Variants in RLBP1 observed in about 807,000 individuals in gnomAD.
The protein encoded by RLBP1 is retinaldehyde binding protein 1.
A neutral mutation model predicts 36.2 loss-of-function variants in RLBP1; 26 were observed. The ratio of observed to expected loss-of-function variants is 0.72; its 90% confidence interval spans 0.53 to 1.00. The LOEUF (loss-of-function observed/expected upper bound fraction) is 1.00. Among genes scored for constraint, RLBP1 ranks in the 50% least tolerant of loss-of-function variants. RLBP1 has a pLI of 0.00. For missense variants in RLBP1, 410 were observed against 402.4 expected (o/e 1.02, Z -0.16); for synonymous variants, 155 against 156.2 (o/e 0.99, Z 0.06).
At position 89,218,067 on chromosome 15, in the gene RLBP1, C is replaced by T. The variant is rs746031106; in HGVS notation, c.141+498G>A. 6.6e-6 allele frequency among the ~76,000 whole-genome samples: 1 copy of T among 152,214 alleles called. No individual in the cohort carries two copies. The highest frequency in any genetic ancestry group is 1.5e-5 in the Non-Finnish European group (1 of 68,040). Reference sequence around the variant, plus strand: ...AGCCACTTCTCATCCTCCCCAGCAGCCCTAAGACAGCTCTGTCAGCCTCCA... The same window carrying T: ...AGCCACTTCTCATCCTCCCCAGCAGTCCTAAGACAGCTCTGTCAGCCTCCA... On this transcript the variant is annotated intron_variant, in intron 4 of 8. Transcript: ENST00000268125. This position sits in a 1 kb window ranked among gnomAD's most constrained non-coding sequence, Gnocchi z 4.6.
intron 2 of RLBP1, among the ~76,000 whole-genome samples, 164 bp from the exon 3 acceptor site, chr15:89,219,239 CA>C: frequency 6.6e-6 from 1 of 152,286 alleles, no homozygotes; most frequent in African/African-American, 2.4e-5. Context: ...TAGGAACCTG[CA>C]ATTTAAAGCA....
chr15:89,221,006 T>C (rs2051621800), intron 1 of RLBP1, among the ~76,000 whole-genome samples: 1 of 148,240 alleles, frequency 6.7e-6, no homozygotes, highest in Admixed American at 6.7e-5. Flanking sequence ...ATGTGAACTT[T>C]TTTTTTTTTT....
chr15:89,210,951 G>A lies in RLBP1; in HGVS notation c.685-142C>T. 2 of 624,104 alleles carry A rather than the reference G, an allele frequency of 3.2e-6. No individual in the cohort carries two copies. Among genetic ancestry groups the A allele is most frequent in the Non-Finnish European group, 5.9e-6 (2 of 338,902 alleles). 38.7% of individuals were successfully genotyped at this position (624,104 alleles called of 1,614,324 possible). ...TGCCCTGGAGAAGGGCCCACTGAAG[G>A]TCCTATTTCCAGGCCAGCAACTAGG... On this transcript the variant is annotated intron_variant, in intron 7 of 8. Coordinates refer to ENST00000268125, the MANE Select transcript of RLBP1 (RefSeq NM_000326.5). This position sits in a 1 kb window ranked among gnomAD's most constrained non-coding sequence, Gnocchi z 4.7.
Position 89,215,200 on chromosome 15 carries a change from C to A in RLBP1, c.385G>T (p.Asp129Tyr), listed in dbSNP as rs1196740218. 6.2e-7 allele frequency: 1 copy of A among 1,614,220 alleles called. No individual in the cohort carries two copies. Among genetic ancestry groups the A allele is most frequent in the Non-Finnish European group, 8.5e-7 (1 of 1,180,050 alleles). The change falls in exon 6 of 9, where the codon GAC becomes TAC. Residue 129 changes from aspartate to tyrosine, a missense_variant. Transcript: ENST00000268125. ...CGGACAGCCTCTGGGGACAGGCTGT[C>A]AAAGAGCTCAGGGTACTGCAGCCGG... ...NFRLQYPELFDSLSPEAVRCT... is the reference protein window; with the variant it reads ...NFRLQYPELFYSLSPEAVRCT...
intron 6 of RLBP1, among the ~76,000 whole-genome samples, chr15:89,212,598 AAAAAG>A (rs1224601655): frequency 1.4e-5 from 2 of 141,960 alleles, no homozygotes; most frequent in Non-Finnish European, 3.0e-5. Flanking sequence ...AAAAAAAAAA[AAAAAG>A]AAAAATGTGT....
At chr15:89,216,337 T>G (rs1217178707) in intron 5 of RLBP1, among the ~76,000 whole-genome samples, 1 of 152,296 alleles carries the variant, frequency 6.6e-6, no homozygotes, top group Non-Finnish European at 1.5e-5. Flanking sequence ...TTCTTTCTTT[T>G]TTGAGATAGA....
Position 89,219,547 on chromosome 15 carries a change from A to G in RLBP1, c.-101+190T>C, listed in dbSNP as rs117115943. On this transcript the variant is annotated intron_variant, in intron 2 of 8. Transcript: ENST00000268125. ...CTCAAGATGGGTGATGACCAGTTAC[A>G]TAAGTACATAATCACGAGACTGGAA... 170 of 168,706 alleles carry G rather than the reference A, an allele frequency of 1.0e-3. 4 individuals are homozygous for G. In the East Asian group the frequency reaches 0.014, roughly 14 times the overall value. The allele number at this position is 168,706 out of a possible 1,614,324, so 10.5% of individuals were successfully genotyped here.
At chr15:89,216,346 G>C (rs569153923) in intron 5 of RLBP1, among the ~76,000 whole-genome samples, 1 of 150,908 alleles carries the variant, frequency 6.6e-6, no homozygotes, top group Non-Finnish European at 1.5e-5. Flanking sequence ...TTTTGAGATA[G>C]AGTTTTGCTC....
Position 89,211,958 on chromosome 15 carries a change from G to A in RLBP1, c.526-57C>T, listed in dbSNP as rs1176585284. On this transcript the variant is annotated intron_variant, in intron 6 of 8. Transcript: ENST00000268125. This position sits in a 1 kb window ranked among gnomAD's most constrained non-coding sequence, Gnocchi z 5.8. ...TAACCCGCAACAATAATTAAGGCTT[G>A]AGGTCCTGAGGGGAGAGCTAATTGG... 2 of 1,579,504 alleles carry A rather than the reference G, an allele frequency of 1.3e-6. No individual in the cohort carries two copies. The highest frequency in any genetic ancestry group is 2.7e-5 in the African/African-American group (2 of 74,342).
intron 6 of RLBP1, among the ~76,000 whole-genome samples, chr15:89,213,885 G>A (rs1051255128): frequency 3.9e-5 from 6 of 152,026 alleles, no homozygotes; most frequent in Admixed American, 6.6e-5. Flanking sequence ...GATCATAGGG[G>A]GAAATAAACA....
chr15:89,215,771 A>G (rs1384515756), intron 5 of RLBP1, among the ~76,000 whole-genome samples: 1 of 151,988 alleles, frequency 6.6e-6, no homozygotes, highest in Non-Finnish European at 1.5e-5. Flanking sequence ...TGCACCACCA[A>G]ATTTGAGCCC....
intron 1 of RLBP1, among the ~76,000 whole-genome samples, chr15:89,220,145 G>A (rs375523358): frequency 6.6e-6 from 1 of 152,280 alleles, no homozygotes; most frequent in East Asian, 1.9e-4. Flanking sequence ...ACCTATGCCT[G>A]CCTGACACCA....
At chr15:89,215,736 T>C (rs781163975) in intron 5 of RLBP1, among the ~76,000 whole-genome samples, 6 of 152,304 alleles carry the variant, frequency 3.9e-5, no homozygotes, top group Non-Finnish European at 5.9e-5. Context: ...TTACCCATCC[T>C]GAGCAGTTCC....
Position 89,210,682 on chromosome 15 carries a change from G to A in RLBP1, c.795+17C>T, listed in dbSNP as rs202155238. 1.0e-3 allele frequency: 1,546 copies of A among 1,542,644 alleles called. 1 individual carries two copies. Among genetic ancestry groups the A allele is most frequent in the Middle Eastern group, 2.0e-3 (12 of 5,968 alleles). ...TCAGCCCTCTTGTCTCATTGTCTGG[G>A]CGGCCCACGTACTCACCCTCTCAAG... On this transcript the variant is annotated intron_variant, in intron 8 of 8. Transcript: ENST00000268125. This position sits in a 1 kb window ranked among gnomAD's most constrained non-coding sequence, Gnocchi z 4.7.
chr15:89,212,037 T>C (rs964907439), intron 6 of RLBP1, 136 bp from the exon 7 acceptor site: 2 of 882,214 alleles, frequency 2.3e-6, no homozygotes, highest in African/African-American at 1.7e-5. Flanking sequence ...ACATTCCACT[T>C]CTGTGAATGT....
At chr15:89,217,743 G>T (rs1047835566) in intron 4 of RLBP1, among the ~76,000 whole-genome samples, 6 of 152,188 alleles carry the variant, frequency 3.9e-5, no homozygotes, top group African/African-American at 1.4e-4. Flanking sequence ...AGAGAGAAAG[G>T]AGTGGAGCTG....
rs1596180291 is a variant in RLBP1 at position 89,210,402 on chromosome 15, C to A, written c.837G>T (p.Glu279Asp). 1 of 1,614,128 alleles carries A rather than the reference C, an allele frequency of 6.2e-7. No homozygotes were observed. ...HGDDLSGFYQ[E>D]IDENILPSDF... ...CAGAGGGCAGGATGTTCTCATCGAT[C>A]TCCTGGTAGAAACCAGAAAGGTCAT... is the stretch of plus-strand genomic sequence containing the variant. Residue 279 changes from glutamate to aspartate, a missense_variant, in exon 9 of 9, where the codon GAG becomes GAT. Glu to Asp is a conservative substitution (Grantham distance 45, BLOSUM62 2). Coordinates refer to ENST00000268125, the MANE Select transcript of RLBP1 (RefSeq NM_000326.5). This position sits in a 1 kb window ranked among gnomAD's most constrained non-coding sequence, Gnocchi z 4.7.
intron 1 of RLBP1, 139 bp downstream of exon 1, chr15:89,221,396 A>C (rs1022663784): frequency 2.0e-5 from 3 of 152,106 alleles, no homozygotes; most frequent in East Asian, 3.9e-4. Flanking sequence ...TCTGCCATCA[A>C]ATTGGTCTGG....
chr15:89,212,338 T>C (rs2051545267), intron 6 of RLBP1, among the ~76,000 whole-genome samples: 1 of 152,132 alleles, frequency 6.6e-6, no homozygotes, highest in South Asian at 2.1e-4. Context: ...TCCCAGCACT[T>C]TGGGAGGCCG....
Sources: allele counts gnomAD v4.1 joint callset (sites outside exome capture counted in the v4.1 genomes callset), GRCh38; gene constraint gnomAD v4.1.1; non-coding constraint Gnocchi (gnomAD v3.1); transcripts MANE v1.5; gene names NCBI Gene and HGNC (gene_info 2026-07-23, HGNC 2026-07-21).